The following OVOL2 variants were observed in gnomAD, a reference collection of about 807,000 sequenced individuals.
OVOL2 encodes transcription factor Ovo-like 2.
OVOL2 carries 13 observed loss-of-function variants against 18.1 expected under a neutral mutation model. The ratio of observed to expected loss-of-function variants is 0.72; its 90% CI spans 0.47 to 1.14. The LOEUF is 1.14. Among genes scored for constraint, OVOL2 ranks in the 50% most tolerant of loss-of-function variants. The pLI is 0.00. For synonymous variants in OVOL2, 166 were observed against 162.7 expected (o/e 1.02, Z -0.16); for missense variants, 335 against 383.0 (o/e 0.87, Z 1.05).
At chr20:18,055,971 C>T (rs918983537) in intron 2 of OVOL2, among the ~76,000 whole-genome samples, 1 of 152,208 alleles carries the variant, frequency 6.6e-6, no homozygotes, top group Non-Finnish European at 1.5e-5. Context: ...TTCGAGGGGG[C>T]CCCGAGGCGC....
Position 18,056,736 on chromosome 20 carries a change from G to A in OVOL2, c.242C>T (p.Thr81Ile), listed in dbSNP as rs939301527. 2.0e-6 allele frequency: 3 copies of A among 1,485,138 alleles called. No individual in the cohort carries two copies. Among genetic ancestry groups the A allele is most frequent in the Non-Finnish European group, 2.7e-6 (3 of 1,124,914 alleles). The allele number at this position is 1,485,138 out of a possible 1,614,324, so 92.0% of individuals were successfully genotyped here. Residue 81 changes from threonine (T) to isoleucine (I), a missense_variant, in exon 2 of 4, where the codon ACC (threonine) becomes ATC (isoleucine). Thr to Ile is a moderately conservative substitution (Grantham distance 89). Coordinates refer to ENST00000278780, the MANE Select transcript of OVOL2 (RefSeq NM_021220.4). This position sits in a 1 kb window ranked among gnomAD's most constrained non-coding sequence, Gnocchi z 4.2. ...SSSPHAPESETPEPGDAEGPD... is the reference protein window; with the variant it reads ...SSSPHAPESEIPEPGDAEGPD... Reference sequence around the variant, plus strand: ...GCCCTCGGCGTCGCCGGGCTCGGGGGTTTCGCTCTCGGGGGCGTGCGGGGA... The same window carrying A: ...GCCCTCGGCGTCGCCGGGCTCGGGGATTTCGCTCTCGGGGGCGTGCGGGGA...
Position 18,024,938 on chromosome 20 carries a change from T to G in OVOL2, c.526A>C (p.Lys176Gln). The stretch of plus-strand genomic sequence containing the variant: ...AAGGCTTTATTGCAGACGTTGCATT[T>G]GTAGGGACGAATGCCTGAAAGGATG... ...VRTHTGIRPY[K>Q]CNVCNKAFTQ... Residue 176 changes from lysine (K) to glutamine (Q), a missense_variant, in exon 4 of 4, where the codon AAA becomes CAA. Lys to Gln is a moderately conservative substitution (Grantham distance 53). Transcript: ENST00000278780. 6.2e-7 allele frequency: 1 copy of G among 1,611,100 alleles called. No homozygotes were observed. Among genetic ancestry groups the G allele is most frequent in the Non-Finnish European group, 8.5e-7 (1 of 1,177,418 alleles).
chr20:18,057,636 G>T lies in OVOL2; in HGVS notation c.-2C>A. 6.4e-7 allele frequency: 1 copy of T among 1,574,586 alleles called. No individual in the cohort carries two copies. The highest frequency in any genetic ancestry group is 2.4e-5 in the East Asian group (1 of 42,232). On this transcript the variant is annotated 5_prime_UTR_variant, in exon 1 of 4. Coordinates refer to ENST00000278780, the MANE Select transcript of OVOL2 (RefSeq NM_021220.4). The surrounding 1 kb of genome is among the most constrained non-coding windows in gnomAD (Gnocchi z 6.3). ...CTTCACCAGGAAGACTTTGGGCATG[G>T]TGGGGTCCCCTCTCCCGACTGCGGC...
chr20:18,058,267 G>C (rs566558825), upstream of OVOL2, among the ~76,000 whole-genome samples: 1 of 152,016 alleles, frequency 6.6e-6, no homozygotes, highest in East Asian at 1.9e-4. Context: ...AGTTCCCCTG[G>C]ACCTTGTGGA....
chr20:18,057,776 C>T lies in OVOL2; in HGVS notation c.-142G>A. ...TGCCCTCTTCCTCCACCCCCCGCCGCGGCGCGGCCCAGGCCTCTCCCCCGC... is the reference window on the plus strand; with the variant it reads ...TGCCCTCTTCCTCCACCCCCCGCCGTGGCGCGGCCCAGGCCTCTCCCCCGC... On this transcript the variant is annotated 5_prime_UTR_variant, in exon 1 of 4. Coordinates refer to ENST00000278780, the MANE Select transcript of OVOL2 (RefSeq NM_021220.4). This position sits in a 1 kb window ranked among gnomAD's most constrained non-coding sequence, Gnocchi z 6.3. The T allele has an allele frequency of 7.1e-7, 1 of 1,404,990 alleles. No individual in the cohort carries two copies. The highest frequency in any genetic ancestry group is 2.9e-5 in the East Asian group (1 of 34,954). The allele number at this position is 1,404,990 out of a possible 1,614,324, so 87.0% of individuals were successfully genotyped here. A position where few individuals can be genotyped will look rare whatever the true frequency, so the allele number is the denominator to read the frequency against.
chr20:18,035,047 C>T (rs1270819316), intron 3 of OVOL2, among the ~76,000 whole-genome samples: 1 of 152,214 alleles, frequency 6.6e-6, no homozygotes, highest in African/African-American at 2.4e-5. Context: ...CCTCATTTAA[C>T]TATCTGTCGT....
In OVOL2 at chr20:18,056,895, G is replaced by A; in HGVS notation, c.101-18C>T. On this transcript the variant is annotated intron_variant, in intron 1 of 3. Transcript: ENST00000278780. This position sits in a 1 kb window ranked among gnomAD's most constrained non-coding sequence, Gnocchi z 4.2. ...TAGGCCCACTGTGGAGGGAGGGGCC[G>A]CGCCCCGACACACACACTCGGCGTC... 1 of 1,476,590 alleles carries A rather than the reference G, an allele frequency of 6.8e-7. No individual in the cohort carries two copies. The highest frequency in any genetic ancestry group is 8.9e-7 in the Non-Finnish European group (1 of 1,121,776). 91.5% of individuals were successfully genotyped at this position (1,476,590 alleles called of 1,614,324 possible).
chr20:18,029,732 C>A (rs1207151934), intron 3 of OVOL2, among the ~76,000 whole-genome samples: 1 of 152,160 alleles, frequency 6.6e-6, no homozygotes, highest in African/African-American at 2.4e-5. Context: ...AATCCCAGCA[C>A]TTTGGGAGGC....
intron 2 of OVOL2, among the ~76,000 whole-genome samples, chr20:18,052,874 C>T (rs1041069699): frequency 6.6e-6 from 1 of 152,156 alleles, no homozygotes; most frequent in African/African-American, 2.4e-5. Context: ...TTCTAATAAG[C>T]CTCCAAAGGA....
At chr20:18,039,044 C>T (rs964395391) in intron 3 of OVOL2, among the ~76,000 whole-genome samples, 8 of 152,216 alleles carry the variant, frequency 5.3e-5, no homozygotes, top group African/African-American at 1.9e-4. Context: ...GCCATATAAC[C>T]AGACCCAAAG....
At chr20:18,033,187 A>T (rs566725479) in intron 3 of OVOL2, among the ~76,000 whole-genome samples, 38 of 152,278 alleles carry the variant, frequency 2.5e-4, no homozygotes, top group African/African-American at 8.9e-4. Flanking sequence ...CTCTTCTTTA[A>T]TCAAGATGGG....
intron 2 of OVOL2, among the ~76,000 whole-genome samples, chr20:18,054,968 G>A (rs946339718): frequency 2.0e-5 from 3 of 151,972 alleles, no homozygotes; most frequent in African/African-American, 7.3e-5. Flanking sequence ...ACACCAAAAT[G>A]TTTCCTTTTT....
intron 2 of OVOL2, among the ~76,000 whole-genome samples, chr20:18,047,807 TTG>T (rs2036736354): frequency 2.3e-5 from 3 of 132,704 alleles, no homozygotes; most frequent in Non-Finnish European, 3.0e-5. Flanking sequence ...TGAGCTGAGA[TTG>T]CGCCATTGCA....
chr20:18,047,222 T>C (rs1451565499), intron 2 of OVOL2, among the ~76,000 whole-genome samples: 1 of 152,182 alleles, frequency 6.6e-6, no homozygotes, highest in African/African-American at 2.4e-5. Flanking sequence ...TGAATAATAA[T>C]ATTTGCATTG....
intron 2 of OVOL2, among the ~76,000 whole-genome samples, chr20:18,045,808 G>A (rs2036720309): frequency 6.6e-6 from 1 of 152,128 alleles, no homozygotes; most frequent in Non-Finnish European, 1.5e-5. Context: ...GGGAGAAAAT[G>A]GGAGTGGAGA....
At chr20:18,030,238 C>T (rs560530354) in intron 3 of OVOL2, among the ~76,000 whole-genome samples, 22 of 152,328 alleles carry the variant, frequency 1.4e-4, no homozygotes, top group African/African-American at 4.8e-4. Context: ...CATGCAGCAG[C>T]GAGCAGCTGG....
At chr20:18,027,242 G>T (rs536087678) in intron 3 of OVOL2, among the ~76,000 whole-genome samples, 1 of 152,138 alleles carries the variant, frequency 6.6e-6, no homozygotes, top group East Asian at 1.9e-4. Flanking sequence ...AAACGAATTG[G>T]CTGGGTGCTT....
Position 18,056,090 on chromosome 20 carries a change from G to A in OVOL2, c.321+567C>T, listed in dbSNP as rs1013101223. Among the ~76,000 whole-genome samples, 9 of 152,216 alleles carry A rather than the reference G, an allele frequency of 5.9e-5. No individual in the cohort carries two copies. The highest frequency in any genetic ancestry group is 2.2e-4 in the African/African-American group (9 of 41,470). On this transcript the variant is annotated intron_variant, in intron 2 of 3. Coordinates refer to ENST00000278780, the MANE Select transcript of OVOL2 (RefSeq NM_021220.4). The surrounding 1 kb of genome is among the most constrained non-coding windows in gnomAD (Gnocchi z 4.2). Reference sequence around the variant, plus strand: ...TTAATTCAAGATTGGAAAGATGACAGATCTAAAGTGCCGTGCACAAGCCTC... The same window carrying A: ...TTAATTCAAGATTGGAAAGATGACAAATCTAAAGTGCCGTGCACAAGCCTC...
chr20:18,038,897 C>G (rs2036644073), intron 3 of OVOL2, among the ~76,000 whole-genome samples: 1 of 152,088 alleles, frequency 6.6e-6, no homozygotes, highest in African/African-American at 2.4e-5. Context: ...GAGACCTCCC[C>G]TAGGCCTCTT....
Sources: allele counts gnomAD v4.1 joint callset (sites outside exome capture counted in the v4.1 genomes callset), GRCh38; gene constraint gnomAD v4.1.1; non-coding constraint Gnocchi (gnomAD v3.1); transcripts MANE v1.5; gene names NCBI Gene and HGNC (gene_info 2026-07-23, HGNC 2026-07-21).